The following NAV1 variants were observed in gnomAD, a reference collection of about 807,000 sequenced individuals.
The protein encoded by NAV1 is pore membrane and/or filament interacting like protein 3.
NAV1 carries 18 observed loss-of-function variants against 175.2 expected under a neutral mutation model. The ratio of observed to expected loss-of-function variants is 0.10; its 90% confidence interval spans 0.07 to 0.15. The LOEUF is 0.15. NAV1 is among the 10% of genes least tolerant of loss of function. The pLI, the probability that NAV1 is intolerant of heterozygous loss-of-function variation, is 1.00. For missense variants in NAV1, 1,731 were observed against 2,436.6 expected (o/e 0.71, Z 6.10); for synonymous variants, 897 against 978.7 (o/e 0.92, Z 1.56).
intron 1 of NAV1, among the ~76,000 whole-genome samples, chr1:201,544,669 A>G (rs1256831420): frequency 6.6e-6 from 1 of 152,180 alleles, no homozygotes; most frequent in Non-Finnish European, 1.5e-5. Flanking sequence ...AAAGATCCCA[A>G]AAGCTTAGTG....
chr1:201,695,214 C>G (rs942397713), intron 1 of NAV1, among the ~76,000 whole-genome samples: 1 of 152,236 alleles, frequency 6.6e-6, no homozygotes, highest in Admixed American at 6.5e-5. Context: ...AGGCTTTTCC[C>G]TGTGTACCCA....
chr1:201,627,909 G>C (rs1235450944), intron 1 of NAV1, among the ~76,000 whole-genome samples: 1 of 152,040 alleles, frequency 6.6e-6, no homozygotes, highest in African/African-American at 2.4e-5. Context: ...GAGAGGCTGA[G>C]GTGGGCAGAT....
At chr1:201,609,577 T>C (rs541139106) in intron 2 of NAV1, among the ~76,000 whole-genome samples, 73 of 152,242 alleles carry the variant, frequency 4.8e-4, no homozygotes, top group African/African-American at 1.7e-3. Flanking sequence ...GCAGAAATAC[T>C]GGAAGTTTTA....
chr1:201,731,320 G>A (rs1672850781), intron 3 of NAV1, among the ~76,000 whole-genome samples: 2 of 152,116 alleles, frequency 1.3e-5, no homozygotes, highest in African/African-American at 4.8e-5. Flanking sequence ...AAGATCGACT[G>A]TTTGAGGACA....
At chr1:201,676,853 A>G (rs1670272829) in intron 1 of NAV1, among the ~76,000 whole-genome samples, 1 of 152,190 alleles carries the variant, frequency 6.6e-6, no homozygotes, top group African/African-American at 2.4e-5. Context: ...GCAGCCCACA[A>G]ACTTGGCCAG....
Position 201,788,771 on chromosome 1 carries a change from G to C in NAV1, c.3166+133G>C. The C allele has an allele frequency of 1.8e-6, 2 of 1,132,916 alleles. No individual in the cohort carries two copies. Among genetic ancestry groups the C allele is most frequent in the South Asian group, 1.6e-5 (1 of 63,906 alleles). 70.2% of individuals were successfully genotyped at this position (1,132,916 alleles called of 1,614,324 possible). A position where few individuals can be genotyped will look rare whatever the true frequency, so the allele number is the denominator to read the frequency against. ...CAGAACATCAAGTTGGGCCATTTCA[G>C]TTTTTTCTCCCCATCCCTTTGAAGG... On this transcript the variant is annotated intron_variant, in intron 10 of 29. Coordinates refer to ENST00000367296, the Ensembl canonical transcript of NAV1. The surrounding 1 kb of genome is among the most constrained non-coding windows in gnomAD (Gnocchi z 5.7).
chr1:201,599,472 C>T (rs1442198426), intron 2 of NAV1, among the ~76,000 whole-genome samples: 1 of 152,160 alleles, frequency 6.6e-6, no homozygotes, highest in Non-Finnish European at 1.5e-5. Flanking sequence ...CTTGTAAGCA[C>T]AGAGCACAAA....
chr1:201,803,594 A>G (rs766256283), exon 16 of NAV1: 1 of 1,613,272 alleles, frequency 6.2e-7, no homozygotes, highest in East Asian at 2.2e-5. Flanking sequence ...TGGCCCTAGA[A>G]CTTCGGATCA....
chr1:201,747,653 A>G (rs1023133933), intron 3 of NAV1, among the ~76,000 whole-genome samples: 5 of 152,180 alleles, frequency 3.3e-5, no homozygotes, highest in African/African-American at 1.2e-4. Context: ...CTGGAAATGG[A>G]TGCCTCACTC....
chr1:201,719,013 T>G (rs1452884462), intron 3 of NAV1, among the ~76,000 whole-genome samples: 1 of 152,096 alleles, frequency 6.6e-6, no homozygotes, highest in African/African-American at 2.4e-5. Context: ...CTCATTGGTC[T>G]CTGTGGCTGT....
At chr1:201,770,302 A>T (rs1421097129) in intron 3 of NAV1, among the ~76,000 whole-genome samples, 1 of 152,146 alleles carries the variant, frequency 6.6e-6, no homozygotes, top group Admixed American at 6.5e-5. Context: ...TTTTCATCCT[A>T]CAGAGGAGAT....
intron 1 of NAV1, among the ~76,000 whole-genome samples, chr1:201,679,666 G>A (rs1413093995): frequency 6.6e-6 from 1 of 152,198 alleles, no homozygotes; most frequent in Non-Finnish European, 1.5e-5. Context: ...TGCAAATGAG[G>A]AAACTGAGGC....
At chr1:201,790,253 C>G (rs1314866480) in intron 11 of NAV1, among the ~76,000 whole-genome samples, 2 of 152,200 alleles carry the variant, frequency 1.3e-5, no homozygotes, top group Admixed American at 6.5e-5. Flanking sequence ...TTCTTTACTC[C>G]AAGTTGCTGG....
At chr1:201,792,522 G>A (rs1677185086) in intron 13 of NAV1, 1 of 152,466 alleles carries the variant, frequency 6.6e-6, no homozygotes, top group African/African-American at 2.4e-5. Flanking sequence ...GGGTTCCCCT[G>A]GATGGGGAAA....
chr1:201,691,328 G>A (rs1260761200), intron 1 of NAV1, among the ~76,000 whole-genome samples: 1 of 152,216 alleles, frequency 6.6e-6, no homozygotes, highest in Non-Finnish European at 1.5e-5. Flanking sequence ...GGAAGGTGTG[G>A]TCATTTCTGG....
intron 3 of NAV1, among the ~76,000 whole-genome samples, chr1:201,737,677 C>T (rs1000235072): frequency 1.3e-5 from 2 of 152,146 alleles, no homozygotes; most frequent in Non-Finnish European, 2.9e-5. Flanking sequence ...CCCTGTCCCT[C>T]CAAGTAAACC....
chr1:201,676,357 CTCTT>C (rs1364664288), intron 1 of NAV1, among the ~76,000 whole-genome samples: 4 of 152,218 alleles, frequency 2.6e-5, no homozygotes, highest in Non-Finnish European at 5.9e-5. Context: ...GGCTCAGGGA[CTCTT>C]TCTCTCCCTT....
intron 2 of NAV1, among the ~76,000 whole-genome samples, chr1:201,607,712 G>A (rs939034646): frequency 5.5e-5 from 8 of 145,604 alleles, no homozygotes; most frequent in African/African-American, 2.0e-4. Flanking sequence ...GGCTGGTCTC[G>A]AACTCCTGAC....
chr1:201,745,991 T>C (rs1050666805), intron 3 of NAV1, among the ~76,000 whole-genome samples: 4 of 151,110 alleles, frequency 2.6e-5, no homozygotes, highest in Non-Finnish European at 4.4e-5. Flanking sequence ...GCCACCATGC[T>C]CAGCTAATTT....
Sources: gnomAD v4.1 joint callset for allele counts (sites outside exome capture counted in the v4.1 genomes callset) on GRCh38, gnomAD v4.1.1 for gene constraint, Gnocchi (gnomAD v3.1) non-coding constraint, MANE v1.5 for transcripts, NCBI Gene and HGNC (gene_info 2026-07-23, HGNC 2026-07-21) for gene names.